The following VPS13B variants were observed in gnomAD, a reference collection of about 807,000 sequenced individuals.
VPS13B encodes vacuolar protein sorting 13 homolog B, also known as intermembrane lipid transfer protein VPS13B.
A neutral mutation model predicts 426.4 loss-of-function variants in VPS13B; 285 were observed. The ratio of observed to expected loss-of-function variants is 0.67; its 90% CI spans 0.61 to 0.74. The LOEUF (loss-of-function observed/expected upper bound fraction) is 0.74. VPS13B is among the 30% of genes least tolerant of loss of function. VPS13B has a pLI of 0.00. For missense variants in VPS13B, 4,537 were observed against 4,782.6 expected, an observed-to-expected ratio of 0.95 and a Z score of 1.51; for synonymous variants, 1,676 against 1,676.4, an observed-to-expected ratio of 1.00 and a Z score of 0.01.
chr8:99,707,976 G>A (rs767060954), intron 36 of VPS13B, among the ~76,000 whole-genome samples: 79 of 152,164 alleles, frequency 5.2e-4, no homozygotes, highest in Non-Finnish European at 8.1e-4. Context: ...ATTTGAGTAA[G>A]TTTATATCAA....
intron 35 of VPS13B, among the ~76,000 whole-genome samples, chr8:99,686,045 G>A (rs1040981713): frequency 1.3e-5 from 2 of 152,138 alleles, no homozygotes; most frequent in Admixed American, 6.5e-5. Context: ...TAAGTTTTTG[G>A]TCACTGCAGC....
intron 21 of VPS13B, among the ~76,000 whole-genome samples, chr8:99,398,979 T>C (rs1814893383): frequency 1.3e-5 from 2 of 152,062 alleles, no homozygotes; most frequent in Non-Finnish European, 2.9e-5. Flanking sequence ...TAGCGGGCCC[T>C]AAAATTTTAT....
intron 58 of VPS13B, among the ~76,000 whole-genome samples, chr8:99,865,393 G>A (rs1212370189): frequency 1.3e-5 from 2 of 152,204 alleles, no homozygotes; most frequent in Non-Finnish European, 2.9e-5. Context: ...GATGCTTCCT[G>A]GTTTGTGATG....
At chr8:99,666,286 G>A (rs1046813170) in intron 35 of VPS13B, among the ~76,000 whole-genome samples, 15 of 152,100 alleles carry the variant, frequency 9.9e-5, no homozygotes, top group African/African-American at 2.9e-4. Context: ...GAAAAACAGG[G>A]AATCCTCCGT....
At chr8:99,062,194 G>A (rs901321199) in intron 3 of VPS13B, among the ~76,000 whole-genome samples, 105 of 152,138 alleles carry the variant, frequency 6.9e-4, no homozygotes, top group African/African-American at 2.4e-3. Flanking sequence ...TTCCCTATGC[G>A]TTTTATAGGG....
At chr8:99,666,790 T>C (rs1255826591) in intron 35 of VPS13B, among the ~76,000 whole-genome samples, 2 of 151,996 alleles carry the variant, frequency 1.3e-5, no homozygotes, top group African/African-American at 4.8e-5. Context: ...TTCAACATAG[T>C]GTTGGAAGTT....
At chr8:99,530,248 T>C (rs903747514) in intron 30 of VPS13B, among the ~76,000 whole-genome samples, 1 of 152,212 alleles carries the variant, frequency 6.6e-6, no homozygotes, top group Admixed American at 6.5e-5. Context: ...TTAGAAGTAA[T>C]GTCTCCTTCC....
chr8:99,106,434 C>CAA (rs71273163), intron 5 of VPS13B, among the ~76,000 whole-genome samples: 2,591 of 82,886 alleles, frequency 0.031, 136 homozygotes, highest in African/African-American at 0.093. Flanking sequence ...GACTCCACCT[C>CAA]AAAAAAAAAA....
chr8:99,845,891 C>A (rs149668214), intron 54 of VPS13B, among the ~76,000 whole-genome samples: 1 of 152,252 alleles, frequency 6.6e-6, no homozygotes, highest in African/African-American at 2.4e-5. Context: ...AGGCAGTGGA[C>A]CAGATTTGGC....
intron 19 of VPS13B, among the ~76,000 whole-genome samples, chr8:99,383,373 A>G (rs1015821630): frequency 1.3e-5 from 2 of 152,168 alleles, no homozygotes; most frequent in African/African-American, 4.8e-5. Context: ...TTATTTAGGA[A>G]TATTTTACCT....
intron 43 of VPS13B, chr8:99,796,757 A>G (rs1270176744): frequency 1.3e-5 from 2 of 152,214 alleles, no homozygotes; most frequent in East Asian, 3.9e-4. Flanking sequence ...GTGGTCTACA[A>G]TGGCCTCACC....
At chr8:99,541,773 A>G (rs1823635480) in intron 30 of VPS13B, among the ~76,000 whole-genome samples, 1 of 152,184 alleles carries the variant, frequency 6.6e-6, no homozygotes, top group Non-Finnish European at 1.5e-5. Flanking sequence ...ATGGTGTTTC[A>G]TTTCCCAAGT....
Position 99,419,750 on chromosome 8 carries a change from A to G in VPS13B, c.3083-11787A>G, listed in dbSNP as rs143534602. Among the ~76,000 whole-genome samples, 263 of 152,348 alleles carry G rather than the reference A, an allele frequency of 1.7e-3. 2 individuals carry two copies. Among genetic ancestry groups the G allele is most frequent in the African/African-American group, 5.8e-3 (243 of 41,594 alleles). On this transcript the variant is annotated intron_variant, in intron 21 of 61. Transcript: ENST00000357162. ...ACCTTACACAAAGGTGATACAGAAT[A>G]TCAAATAATATGCTGATAGAAAAGG...
intron 19 of VPS13B, among the ~76,000 whole-genome samples, chr8:99,354,109 G>A (rs1467017524): frequency 6.6e-6 from 1 of 151,414 alleles, no homozygotes; most frequent in African/African-American, 2.4e-5. Flanking sequence ...CCTTGTTTAG[G>A]GTAATAAAAA....
chr8:99,717,406 G>T (rs1588651455), intron 37 of VPS13B, 33 bp downstream of exon 37: 1 of 1,563,280 alleles, frequency 6.4e-7, no homozygotes, highest in Non-Finnish European at 8.8e-7. Context: ...TTTTTCATAG[G>T]TTATTAACTA....
intron 39 of VPS13B, among the ~76,000 whole-genome samples, chr8:99,745,463 TGAGA>T (rs1408509070): frequency 6.6e-6 from 1 of 152,060 alleles, no homozygotes; most frequent in Admixed American, 6.6e-5. Context: ...TAAGATATTT[TGAGA>T]GAGAGAGACC....
Position 99,818,862 on chromosome 8 carries a change from T to G in VPS13B, c.8595T>G (p.Leu2865=). The change falls in exon 47 of 62, where the codon CTT becomes CTG. Residue 2865 remains leucine (L), a synonymous_variant. Coordinates refer to ENST00000357162, the MANE Select transcript of VPS13B (RefSeq NM_152564.5). ...CACTGCAAAACATAGAACCTGACCT[T>G]GTACATCACCTGACATTCCAAGCAA... ...EKPLQNIEPD[L]VHHLTFQARE... 6.2e-7 allele frequency: 1 copy of G among 1,613,348 alleles called. No homozygotes were observed. Among genetic ancestry groups the G allele is most frequent in the Non-Finnish European group, 8.5e-7 (1 of 1,179,854 alleles).
At chr8:99,157,211 C>T (rs774755581) in intron 15 of VPS13B, among the ~76,000 whole-genome samples, 27 of 150,050 alleles carry the variant, frequency 1.8e-4, no homozygotes, top group Non-Finnish European at 2.4e-4. Context: ...CAGGCATATG[C>T]CATTTTATCA....
At chr8:99,124,882 CAAAAAAAAAAA>C (rs34328080) in intron 8 of VPS13B, among the ~76,000 whole-genome samples, 1 of 86,264 alleles carries the variant, frequency 1.2e-5, no homozygotes, top group Non-Finnish European at 2.0e-5. Context: ...GACTCCGTCT[CAAAAAAAAAAA>C]AAAAAAAAAG....
Sources: allele counts gnomAD v4.1 joint callset (sites outside exome capture counted in the v4.1 genomes callset), GRCh38; gene constraint gnomAD v4.1.1; transcripts MANE v1.5; gene names NCBI Gene and HGNC (gene_info 2026-07-23, HGNC 2026-07-21).